The following RAB3IP variants were observed in gnomAD, a reference collection of about 807,000 sequenced individuals.
RAB3IP encodes rab-3A-interacting protein.
A neutral mutation model predicts 59.1 loss-of-function variants in RAB3IP; 36 were observed. The observed-to-expected ratio is 0.61, with a 90% CI of 0.47 to 0.80. RAB3IP has a LOEUF of 0.80. Among genes scored for constraint, RAB3IP ranks in the 30% least tolerant of loss-of-function variants. The probability of loss-of-function intolerance (pLI) is 0.00; values close to 1 mark genes in which losing one functional copy is unlikely to be tolerated. For missense variants in RAB3IP, 511 were observed against 536.0 expected, an observed-to-expected ratio of 0.95 and a Z score of 0.46; for synonymous variants, 207 against 191.2, an observed-to-expected ratio of 1.08 and a Z score of -0.68.
In RAB3IP at chr12:69,755,621, C is replaced by T; in HGVS notation, c.213C>T (p.Ser71=). 1 of 1,613,748 alleles carries T rather than the reference C, an allele frequency of 6.2e-7. No individual in the cohort carries two copies. The highest frequency in any genetic ancestry group is 8.5e-7 in the Non-Finnish European group (1 of 1,179,822). ...SELPTQPVYS[S]PRRLNCAEIS... ...TTCCTACACAACCCGTGTATTCATC[C>T]CCCAGACGTTTAAATTGTGCGGAAA... is the stretch of plus-strand genomic sequence containing the variant. The change falls in exon 2 of 11, where the codon TCC becomes TCT. Residue 71 remains serine (S), a synonymous_variant. Transcript: ENST00000247833.
At chr12:69,797,216 T>G (rs1209361849) in intron 6 of RAB3IP, among the ~76,000 whole-genome samples, 2 of 152,210 alleles carry the variant, frequency 1.3e-5, no homozygotes, top group Admixed American at 1.3e-4. Context: ...ACATGCCCAG[T>G]GCAAGGCTTT....
chr12:69,738,871 C>G lies in RAB3IP; in HGVS notation c.-186C>G, dbSNP rs994093010. 2 of 152,110 alleles carry G rather than the reference C, an allele frequency of 1.3e-5. No individual in the cohort carries two copies. The highest frequency in any genetic ancestry group is 4.8e-5 in the African/African-American group (2 of 41,436). The allele number at this position is 152,110 out of a possible 1,614,324, so 9.4% of individuals were successfully genotyped here. On this transcript the variant is annotated 5_prime_UTR_variant, in exon 1 of 11. Coordinates refer to ENST00000247833, the MANE Select transcript of RAB3IP (RefSeq NM_022456.5). ...GCCCCGCTTCCGGCGCAGGCGCAGT[C>G]CCGCGTTCCCTCGGCGGCTGCCGGC...
intron 3 of RAB3IP, among the ~76,000 whole-genome samples, chr12:69,769,242 C>T (rs547747909): frequency 9.2e-5 from 14 of 152,262 alleles, no homozygotes; most frequent in Non-Finnish European, 1.8e-4. Flanking sequence ...CAGACTAATA[C>T]GTGCCCAGAT....
At chr12:69,814,508 A>C (rs967914457) in intron 10 of RAB3IP, among the ~76,000 whole-genome samples, 10 of 152,158 alleles carry the variant, frequency 6.6e-5, no homozygotes, top group Middle Eastern at 3.4e-3. Context: ...TTTGAGCTGG[A>C]TAATTCTTTG....
At chr12:69,780,156 G>A (rs980010042) in intron 3 of RAB3IP, among the ~76,000 whole-genome samples, 12 of 152,152 alleles carry the variant, frequency 7.9e-5, no homozygotes, top group Admixed American at 3.9e-4. Flanking sequence ...GAGGAAGTTG[G>A]CCAACGACCC....
At chr12:69,806,077 A>G (rs1275119562) in intron 8 of RAB3IP, among the ~76,000 whole-genome samples, 4 of 152,210 alleles carry the variant, frequency 2.6e-5, no homozygotes, top group Admixed American at 6.5e-5. Flanking sequence ...GAATGGTACC[A>G]GCTCCTCCTT....
chr12:69,804,307 A>G (rs1054739710), intron 8 of RAB3IP, among the ~76,000 whole-genome samples: 5 of 152,156 alleles, frequency 3.3e-5, no homozygotes, highest in Non-Finnish European at 5.9e-5. Flanking sequence ...CTTTTGACAA[A>G]TGTCTGTTCA....
chr12:69,744,720 A>G (rs1189110792), intron 1 of RAB3IP, among the ~76,000 whole-genome samples: 1 of 151,452 alleles, frequency 6.6e-6, no homozygotes, highest in African/African-American at 2.4e-5. Flanking sequence ...GTATTGTGGA[A>G]TTAGTGGGAA....
intron 3 of RAB3IP, among the ~76,000 whole-genome samples, chr12:69,781,999 T>C (rs1874799570): frequency 6.6e-6 from 1 of 152,232 alleles, no homozygotes; most frequent in South Asian, 2.1e-4. Flanking sequence ...AGCAATAAAT[T>C]AGAGTTCCTA....
chr12:69,790,064 T>G (rs768323198), intron 4 of RAB3IP, among the ~76,000 whole-genome samples: 16 of 152,202 alleles, frequency 1.1e-4, no homozygotes, highest in Non-Finnish European at 2.1e-4. Context: ...AGCACAGTTC[T>G]GGAATGTTAG....
At chr12:69,775,387 A>G (rs1316597284) in intron 3 of RAB3IP, among the ~76,000 whole-genome samples, 3 of 141,084 alleles carry the variant, frequency 2.1e-5, no homozygotes, top group Non-Finnish European at 4.6e-5. Flanking sequence ...CTCTTTTCCT[A>G]ATTGAATACC....
At chr12:69,768,375 T>A (rs1008606144) in intron 3 of RAB3IP, among the ~76,000 whole-genome samples, 1 of 152,162 alleles carries the variant, frequency 6.6e-6, no homozygotes, top group African/African-American at 2.4e-5. Flanking sequence ...CACCACAATC[T>A]ATGTCCATGA....
Position 69,750,598 on chromosome 12 carries a change from G to A in RAB3IP, c.-25-4786G>A, listed in dbSNP as rs894026913. The stretch of plus-strand genomic sequence containing the variant: ...TGGAAAAACCAAGTAGTTTGTTTAT[G>A]ATGAGAGTTTCCCAAAGTCTAGATT... On this transcript the variant is annotated intron_variant, in intron 1 of 10. Transcript: ENST00000247833. 3.2e-5 allele frequency among the ~76,000 whole-genome samples: 4 copies of A among 123,832 alleles called. No homozygotes were observed. In the East Asian group the frequency reaches 1.1e-3, roughly 34 times the overall value. The allele number at this position is 123,832 out of a possible 152,430, so 81.2% of individuals were successfully genotyped here.
rs1295831856 is a variant in RAB3IP, at chr12:69,820,466, G to A, written c.*5020G>A. 1 of 151,314 alleles carries A rather than the reference G, an allele frequency of 6.6e-6. No homozygotes were observed. The highest frequency in any genetic ancestry group is 2.0e-4 in the East Asian group (1 of 5,120). The allele number at this position is 151,314 out of a possible 1,614,324, so 9.4% of individuals were successfully genotyped here. On this transcript the variant is annotated 3_prime_UTR_variant, in exon 11 of 11. Coordinates refer to ENST00000247833, the MANE Select transcript of RAB3IP (RefSeq NM_022456.5). ...CTCCTGCCCTCCTACAATCACTGAC[G>A]GCAGCCGCAGGGATCTTTATAAAAC...
rs1165795050 is a variant in RAB3IP, at chr12:69,755,526, A to G, written c.118A>G (p.Ile40Val). 5.6e-6 allele frequency: 9 copies of G among 1,614,012 alleles called. No homozygotes were observed. The highest frequency in any genetic ancestry group is 1.3e-5 in the African/African-American group (1 of 74,906). ...AGAGCAGACTACCTCACCAAGTGTC[A>G]TCTACCGGCCACACCCTTCAGCTTT... is the stretch of plus-strand genomic sequence containing the variant. ...TQEQTTSPSV[I>V]YRPHPSALSS... The change falls in exon 2 of 11, where the codon ATC becomes GTC. Residue 40 changes from isoleucine to valine, a missense_variant. Transcript: ENST00000247833.
intron 1 of RAB3IP, among the ~76,000 whole-genome samples, chr12:69,751,416 C>CT (rs1472297461): frequency 6.6e-6 from 1 of 152,254 alleles, no homozygotes; most frequent in African/African-American, 2.4e-5. Context: ...TGGTATTACT[C>CT]TGAGTACATG....
At position 69,803,032 on chromosome 12, in the gene RAB3IP, T is replaced by C. The variant is rs1412255194; in HGVS notation, c.1130+1311T>C. Among the ~76,000 whole-genome samples the C allele has an allele frequency of 2.0e-5, 3 of 152,210 alleles. 1 individual carries two copies. Among genetic ancestry groups the C allele is most frequent in the African/African-American group, 7.2e-5 (3 of 41,460 alleles). ...TTAATCATAGCAGTTTTCTTATTTT[T>C]AAGGTCTGTGTCATGCCTCATTTTA... On this transcript the variant is annotated intron_variant, in intron 8 of 10. Coordinates refer to ENST00000247833, the MANE Select transcript of RAB3IP (RefSeq NM_022456.5).
rs1292735199 is a variant in RAB3IP at position 69,756,549 on chromosome 12, T to A, written c.396T>A (p.Asp132Glu). 5.0e-6 allele frequency: 8 copies of A among 1,614,042 alleles called. No homozygotes were observed. ...ATITEACDGS[D>E]DIFGLSTDSL... ...TAACAGAGGCTTGCGATGGCAGTGA[T>A]GATATTTTTGGGTTGAGTACTGATA... is the stretch of plus-strand genomic sequence containing the variant. Residue 132 changes from aspartate (D) to glutamate (E), a missense_variant, in exon 3 of 11, where the codon GAT becomes GAA. Asp to Glu is a conservative substitution (Grantham distance 45). Transcript: ENST00000247833.
chr12:69,752,327 A>T (rs547166428), intron 1 of RAB3IP, among the ~76,000 whole-genome samples: 1 of 147,476 alleles, frequency 6.8e-6, no homozygotes, highest in South Asian at 2.2e-4. Context: ...AAAATTATAT[A>T]TATATATTTA....
Sources: gnomAD v4.1 joint callset for allele counts (sites outside exome capture counted in the v4.1 genomes callset) on GRCh38, gnomAD v4.1.1 for gene constraint, MANE v1.5 for transcripts, NCBI Gene and HGNC (gene_info 2026-07-23, HGNC 2026-07-21) for gene names.